SLIT2: variants seen among roughly 807,000 people sequenced by gnomAD.
The protein encoded by SLIT2 is slit guidance ligand 2, also known as slit homolog 2 protein.
In SLIT2, 41 loss-of-function variants were observed where a neutral mutation model predicts 185.7. The observed-to-expected ratio is 0.22, with a 90% CI of 0.17 to 0.29. SLIT2 has a LOEUF of 0.29. Ranked by LOEUF, SLIT2 falls within the 10% of genes least tolerant of loss-of-function variation. The pLI is 1.00. For synonymous variants in SLIT2, 693 were observed against 680.2 expected, an observed-to-expected ratio of 1.02 and a Z score of -0.29; for missense variants, 1,571 against 1,909.0, an observed-to-expected ratio of 0.82 and a Z score of 3.30.
intron 4 of SLIT2, among the ~76,000 whole-genome samples, chr4:20,374,825 G>T (rs771026404): frequency 3.9e-5 from 6 of 151,990 alleles, no homozygotes; most frequent in Non-Finnish European, 8.8e-5. Context: ...TCTTCGCTGT[G>T]ACAATATAAA....
chr4:20,299,655 GT>G (rs72386657), intron 4 of SLIT2, among the ~76,000 whole-genome samples: 34,657 of 143,446 alleles, frequency 0.24, 4,750 homozygotes, highest in East Asian at 0.6. Context: ...GCCTTTTTTT[GT>G]TTTTTTTTTT....
intron 4 of SLIT2, among the ~76,000 whole-genome samples, chr4:20,364,091 A>G (rs1308254929): frequency 6.6e-6 from 1 of 152,160 alleles, no homozygotes; most frequent in Non-Finnish European, 1.5e-5. Context: ...AGGAAGGGAA[A>G]GTTCGTCTTT....
chr4:20,272,271 TAAA>T (rs5856553), intron 4 of SLIT2, among the ~76,000 whole-genome samples: 3 of 145,192 alleles, frequency 2.1e-5, no homozygotes, highest in Non-Finnish European at 1.5e-5. Context: ...GGTTGGAGGT[TAAA>T]AAAAAAAAAA....
chr4:20,542,726 A>G (rs1490229908), intron 21 of SLIT2, 100 bp downstream of exon 21: 1 of 1,272,282 alleles, frequency 7.9e-7, no homozygotes, highest in Non-Finnish European at 1.1e-6. Flanking sequence ...CTTCTTTACA[A>G]ATCATATTCT....
At chr4:20,386,824 T>C (rs1168979728) in intron 4 of SLIT2, among the ~76,000 whole-genome samples, 1 of 152,252 alleles carries the variant, frequency 6.6e-6, no homozygotes, top group Non-Finnish European at 1.5e-5. Context: ...AGATGGTTTT[T>C]GTTCTAACTG....
At chr4:20,417,718 C>T (rs1214679805) in intron 4 of SLIT2, among the ~76,000 whole-genome samples, 2 of 151,678 alleles carry the variant, frequency 1.3e-5, no homozygotes, top group Non-Finnish European at 2.9e-5. Context: ...AGAGCTTTCA[C>T]TATGTTGGCC....
Position 20,467,832 on chromosome 4 carries a change from C to A in SLIT2, c.467+9C>A, listed in dbSNP as rs1210869730. The A allele has an allele frequency of 6.9e-7, 1 of 1,458,714 alleles. No homozygotes were observed. Among genetic ancestry groups the A allele is most frequent in the South Asian group, 1.2e-5 (1 of 80,694 alleles). The allele number at this position is 1,458,714 out of a possible 1,614,324, so 90.4% of individuals were successfully genotyped here. A position where few individuals can be genotyped will look rare whatever the true frequency, so the allele number is the denominator to read the frequency against. On this transcript the variant is annotated intron_variant, in intron 5 of 36. Coordinates refer to ENST00000504154, the MANE Select transcript of SLIT2 (RefSeq NM_004787.4). ...GTTGACATAAAAAATTTGTAAGTAT[C>A]TATTTTTAAATTTATAGTGTTTTAA...
At chr4:20,543,941 A>C (rs1723032709) in intron 21 of SLIT2, among the ~76,000 whole-genome samples, 1 of 152,030 alleles carries the variant, frequency 6.6e-6, no homozygotes, top group South Asian at 2.1e-4. Context: ...GATATTCCGA[A>C]ACCCTCCTCT....
chr4:20,359,904 A>G (rs1356676632), intron 4 of SLIT2, among the ~76,000 whole-genome samples: 1 of 152,078 alleles, frequency 6.6e-6, no homozygotes, highest in Non-Finnish European at 1.5e-5. Flanking sequence ...AGGAAGTGAA[A>G]TGAAATGGCT....
intron 9 of SLIT2, among the ~76,000 whole-genome samples, chr4:20,493,194 G>A (rs1008885543): frequency 4.6e-5 from 7 of 152,120 alleles, no homozygotes; most frequent in African/African-American, 1.4e-4. Flanking sequence ...AGAGATTGTA[G>A]TTGAACCTAA....
intron 4 of SLIT2, among the ~76,000 whole-genome samples, chr4:20,269,169 T>C (rs998232833): frequency 1.3e-5 from 2 of 151,828 alleles, no homozygotes; most frequent in African/African-American, 2.4e-5. Context: ...AATGGAAATG[T>C]TTGATTAAGT....
intron 4 of SLIT2, among the ~76,000 whole-genome samples, chr4:20,436,591 A>G (rs1352149959): frequency 6.6e-6 from 1 of 152,242 alleles, no homozygotes; most frequent in Non-Finnish European, 1.5e-5. Flanking sequence ...AATTAATTCA[A>G]ATCACGTATT....
intron 3 of SLIT2, among the ~76,000 whole-genome samples, chr4:20,260,582 TTTTTC>T (rs1489863668): frequency 6.6e-6 from 1 of 151,880 alleles, no homozygotes; most frequent in African/African-American, 2.4e-5. Context: ...TACATTTTTC[TTTTTC>T]TTTTATTTTA....
chr4:20,470,969 T>C (rs1259979639), intron 5 of SLIT2, among the ~76,000 whole-genome samples: 1 of 152,162 alleles, frequency 6.6e-6, no homozygotes, highest in African/African-American at 2.4e-5. Flanking sequence ...ATCTACATTA[T>C]TTCAACTTTG....
chr4:20,321,679 A>C (rs1278305107), intron 4 of SLIT2, among the ~76,000 whole-genome samples: 1 of 152,206 alleles, frequency 6.6e-6, no homozygotes, highest in Non-Finnish European at 1.5e-5. Flanking sequence ...GCGTGGGAGC[A>C]AATGCCTCTT....
chr4:20,315,944 T>C (rs948144028), intron 4 of SLIT2, among the ~76,000 whole-genome samples: 5 of 152,084 alleles, frequency 3.3e-5, no homozygotes, highest in Admixed American at 2.6e-4. Flanking sequence ...ACGGTACCTT[T>C]ATCTATACAT....
intron 9 of SLIT2, among the ~76,000 whole-genome samples, chr4:20,502,010 C>T (rs918668852): frequency 1.3e-5 from 2 of 151,964 alleles, no homozygotes; most frequent in Non-Finnish European, 2.9e-5. Flanking sequence ...TACCTAATTT[C>T]CCAAGAAGTT....
In SLIT2 at chr4:20,488,979, A is replaced by G; in HGVS notation, c.772A>G (p.Ser258Gly). Residue 258 changes from serine to glycine, a missense_variant, in exon 8 of 37, where the codon AGT becomes GGT. Ser to Gly is a moderately conservative substitution (Grantham distance 56, BLOSUM62 0). Around this residue, in one of 3 missense-constraint regions of SLIT2, gnomAD observed 1,202 missense variants for 1,416.4 expected, o/e 0.85. Transcript: ENST00000504154. ...AEVQKREFVC[S>G]GHQSFMAPSC... ...GGTTCAAAAACGAGAATTTGTCTGC[A>G]GTGGTAAGGGAGAAGGAAGAGTGAT... 1 of 1,610,584 alleles carries G rather than the reference A, an allele frequency of 6.2e-7. No individual in the cohort carries two copies. Among genetic ancestry groups the G allele is most frequent in the South Asian group, 1.1e-5 (1 of 90,752 alleles).
At chr4:20,418,952 T>G (rs1463021581) in intron 4 of SLIT2, among the ~76,000 whole-genome samples, 1 of 152,190 alleles carries the variant, frequency 6.6e-6, no homozygotes, top group Non-Finnish European at 1.5e-5. Context: ...TTATTGGAAT[T>G]TTTTAGTGAA....
Sources: gnomAD v4.1 joint callset for allele counts (sites outside exome capture counted in the v4.1 genomes callset) on GRCh38, gnomAD v4.1.1 for gene constraint, gnomAD v4.1.1 regional missense constraint, MANE v1.5 for transcripts, NCBI Gene and HGNC (gene_info 2026-07-23, HGNC 2026-07-21) for gene names.